RBMS1: variants seen among roughly 807,000 people sequenced by gnomAD.
RBMS1 encodes RNA-binding motif, single-stranded-interacting protein 1.
A neutral mutation model predicts 62.3 loss-of-function variants in RBMS1; 17 were observed. The ratio of observed to expected loss-of-function variants is 0.27; its 90% CI spans 0.19 to 0.41. The LOEUF (loss-of-function observed/expected upper bound fraction) is 0.41. Ranked by LOEUF, RBMS1 falls within the 10% of genes least tolerant of loss-of-function variation. The pLI is 1.00. For missense variants in RBMS1, 334 were observed against 504.5 expected, an observed-to-expected ratio of 0.66 and a Z score of 3.24; for synonymous variants, 172 against 170.0, an observed-to-expected ratio of 1.01 and a Z score of -0.09.
intron 1 of RBMS1, among the ~76,000 whole-genome samples, chr2:160,423,724 A>C (rs1374802829): frequency 1.3e-5 from 2 of 152,170 alleles, no homozygotes; most frequent in Admixed American, 1.3e-4. Context: ...CCACAGCCAG[A>C]GCTCCAATCT....
intron 3 of RBMS1, among the ~76,000 whole-genome samples, chr2:160,317,965 C>G (rs1190328046): frequency 6.6e-6 from 1 of 152,082 alleles, no homozygotes; most frequent in Non-Finnish European, 1.5e-5. Context: ...TGGCAAACTG[C>G]TAGCTGCTGT....
intron 1 of RBMS1, among the ~76,000 whole-genome samples, chr2:160,449,847 T>C (rs1450517389): frequency 2.6e-5 from 4 of 151,872 alleles, no homozygotes; most frequent in African/African-American, 9.7e-5. Context: ...AATTAAAAAA[T>C]GGGGGATGAA....
chr2:160,290,545 C>T (rs150564326), intron 6 of RBMS1, among the ~76,000 whole-genome samples: 3 of 152,222 alleles, frequency 2.0e-5, no homozygotes, highest in African/African-American at 4.8e-5. Context: ...ACTGATTTTG[C>T]CAAATATGCA....
intron 2 of RBMS1, among the ~76,000 whole-genome samples, chr2:160,345,467 T>A (rs1331443196): frequency 6.6e-6 from 1 of 152,076 alleles, no homozygotes; most frequent in Non-Finnish European, 1.5e-5. Context: ...AAATTCATAT[T>A]CCATGTAACA....
intron 1 of RBMS1, among the ~76,000 whole-genome samples, chr2:160,368,821 G>T (rs370189355): frequency 6.6e-6 from 1 of 151,982 alleles, no homozygotes; most frequent in African/African-American, 2.4e-5. Flanking sequence ...TGTATTTTTA[G>T]TAGAGACAGG....
chr2:160,380,373 C>T (rs996296818), intron 1 of RBMS1, among the ~76,000 whole-genome samples: 1 of 152,076 alleles, frequency 6.6e-6, no homozygotes, highest in Non-Finnish European at 1.5e-5. Context: ...TGGACCCCTG[C>T]CCAGAGGACA....
At chr2:160,404,923 C>A (rs1434479429) in intron 1 of RBMS1, among the ~76,000 whole-genome samples, 1 of 152,198 alleles carries the variant, frequency 6.6e-6, no homozygotes, top group East Asian at 1.9e-4. Context: ...TACATGTAGG[C>A]AGGCAGCCGT....
chr2:160,413,131 G>A (rs561492778), intron 1 of RBMS1, among the ~76,000 whole-genome samples: 1 of 152,250 alleles, frequency 6.6e-6, no homozygotes, highest in East Asian at 1.9e-4. Context: ...ACCATTTCAG[G>A]CACCCATTTT....
chr2:160,408,062 G>A (rs1025468640), intron 1 of RBMS1, among the ~76,000 whole-genome samples: 1 of 148,924 alleles, frequency 6.7e-6, no homozygotes, highest in Non-Finnish European at 1.5e-5. Flanking sequence ...GGCCGGAGCC[G>A]GGGCCGGGCG....
At chr2:160,366,164 C>T (rs897189566) in intron 2 of RBMS1, among the ~76,000 whole-genome samples, 1 of 152,130 alleles carries the variant, frequency 6.6e-6, no homozygotes, top group African/African-American at 2.4e-5. Context: ...CACAGCACAA[C>T]AACCATCACT....
chr2:160,352,360 A>G (rs923541993), intron 2 of RBMS1, among the ~76,000 whole-genome samples: 6 of 152,122 alleles, frequency 3.9e-5, no homozygotes, highest in African/African-American at 1.4e-4. Context: ...CCAGGGATAA[A>G]TGGCACATTC....
At chr2:160,471,903 G>A (rs917328854) in intron 1 of RBMS1, among the ~76,000 whole-genome samples, 2 of 151,548 alleles carry the variant, frequency 1.3e-5, no homozygotes, top group African/African-American at 4.8e-5. Flanking sequence ...TACATTTTAG[G>A]AACTGTTTTG....
intron 2 of RBMS1, among the ~76,000 whole-genome samples, chr2:160,324,229 G>A (rs562685740): frequency 3.2e-4 from 48 of 152,086 alleles, no homozygotes; most frequent in Middle Eastern, 6.8e-3. Context: ...ATGTATAAAC[G>A]TATGTGTGTG....
At chr2:160,281,414 T>C in intron 9 of RBMS1, 50 bp from the exon 10 acceptor site, 1 of 1,424,332 alleles carries the variant, frequency 7.0e-7, no homozygotes, top group South Asian at 1.2e-5. Flanking sequence ...TTGTAAAGCT[T>C]ACCTATTTCT....
intron 1 of RBMS1, among the ~76,000 whole-genome samples, chr2:160,464,133 C>A (rs761209897): frequency 2.6e-4 from 40 of 152,246 alleles, no homozygotes; most frequent in Non-Finnish European, 5.1e-4. Context: ...CACCACGACT[C>A]CCCACTCCAC....
At chr2:160,337,984 G>A (rs1208905254) in intron 2 of RBMS1, among the ~76,000 whole-genome samples, 2 of 152,130 alleles carry the variant, frequency 1.3e-5, no homozygotes, top group African/African-American at 4.8e-5. Flanking sequence ...AATCGTACAT[G>A]GAATCCTGGG....
intron 1 of RBMS1, among the ~76,000 whole-genome samples, chr2:160,455,905 G>A (rs1297776446): frequency 6.6e-6 from 1 of 151,838 alleles, no homozygotes; most frequent in African/African-American, 2.4e-5. Context: ...GGATGGTCTC[G>A]ATCTCCTGAC....
At chr2:160,439,549 G>A (rs1298722904) in intron 1 of RBMS1, among the ~76,000 whole-genome samples, 3 of 151,824 alleles carry the variant, frequency 2.0e-5, no homozygotes, top group South Asian at 2.1e-4. Context: ...CGGCCGGGCA[G>A]AGACGCTCCT....
intron 2 of RBMS1, among the ~76,000 whole-genome samples, chr2:160,352,255 G>T (rs569686879): frequency 1.3e-5 from 2 of 152,062 alleles, no homozygotes; most frequent in African/African-American, 4.8e-5. Flanking sequence ...TGCAATGCAC[G>T]GTCAAGGGAT....
Sources: allele counts gnomAD v4.1 joint callset (sites outside exome capture counted in the v4.1 genomes callset), GRCh38; gene constraint gnomAD v4.1.1; transcripts MANE v1.5; gene names NCBI Gene and HGNC (gene_info 2026-07-23, HGNC 2026-07-21).